Variants in CORO2B observed in about 807,000 individuals in gnomAD.
The protein encoded by CORO2B is coronin 2B.
Under a neutral mutation model 58.8 loss-of-function variants are expected in CORO2B, and 26 were observed. The ratio of observed to expected loss-of-function variants is 0.44; its 90% CI spans 0.32 to 0.61. The LOEUF (loss-of-function observed/expected upper bound fraction) is 0.61, where lower values mean the gene tolerates loss of function less well. Among genes scored for constraint, CORO2B ranks in the 20% least tolerant of loss-of-function variants. The pLI is 0.04. For missense variants in CORO2B, 460 were observed against 645.1 expected (o/e 0.71, Z 3.11); for synonymous variants, 242 against 253.8 (o/e 0.95, Z 0.44).
At chr15:68,711,802 C>G in intron 5 of CORO2B, 96 bp downstream of exon 5, 5 of 1,424,042 alleles carry the variant, frequency 3.5e-6, no homozygotes, top group Non-Finnish European at 4.9e-6. Context: ...TGCCAGCCCC[C>G]TTCTCCAGTG....
At chr15:68,642,596 A>G (rs917782583) in intron 1 of CORO2B, among the ~76,000 whole-genome samples, 2 of 152,146 alleles carry the variant, frequency 1.3e-5, no homozygotes, top group African/African-American at 4.8e-5. Context: ...CATGGCCTCC[A>G]CGACTCACCT....
chr15:68,630,611 T>C (rs1410230778), intron 1 of CORO2B, among the ~76,000 whole-genome samples: 1 of 152,070 alleles, frequency 6.6e-6, no homozygotes, highest in East Asian at 1.9e-4. Context: ...TTTCCATCAG[T>C]TGGAATGCTT....
chr15:68,585,063 G>C (rs1483362347), intron 1 of CORO2B, among the ~76,000 whole-genome samples: 2 of 152,222 alleles, frequency 1.3e-5, no homozygotes, highest in African/African-American at 2.4e-5. Context: ...TTGGTTTCTG[G>C]CTGGCAACCT....
upstream of CORO2B, among the ~76,000 whole-genome samples, chr15:68,578,521 G>A (rs1899330927): frequency 6.6e-6 from 1 of 151,980 alleles, no homozygotes; most frequent in Non-Finnish European, 1.5e-5. The surrounding 1 kb of genome is among the most constrained non-coding windows in gnomAD (Gnocchi z 4.2). Context: ...GTGGGGGTGC[G>A]GGCAGGGCTC....
intron 1 of CORO2B, among the ~76,000 whole-genome samples, chr15:68,611,922 C>T (rs1369048140): frequency 6.6e-6 from 1 of 152,104 alleles, no homozygotes; most frequent in Non-Finnish European, 1.5e-5. Context: ...GAGGTGTGCA[C>T]CACCATGCTG....
chr15:68,674,240 C>G (rs543022168), intron 2 of CORO2B, among the ~76,000 whole-genome samples: 1 of 152,312 alleles, frequency 6.6e-6, no homozygotes. Flanking sequence ...TGCCCTCTGG[C>G]TAGGCGAGGC....
At chr15:68,590,801 G>A (rs896199292) in intron 1 of CORO2B, among the ~76,000 whole-genome samples, 3 of 152,160 alleles carry the variant, frequency 2.0e-5, no homozygotes, top group Non-Finnish European at 4.4e-5. Context: ...AGGAGGGAGA[G>A]CTGGTTACTG....
At chr15:68,647,372 A>T (rs72748520) in intron 2 of CORO2B, among the ~76,000 whole-genome samples, 9 of 152,208 alleles carry the variant, frequency 5.9e-5, no homozygotes, top group African/African-American at 1.4e-4. Flanking sequence ...AAGAATATAT[A>T]AAGAGTTCCA....
At chr15:68,596,261 C>T (rs902107722) in intron 1 of CORO2B, among the ~76,000 whole-genome samples, 1 of 151,872 alleles carries the variant, frequency 6.6e-6, no homozygotes, top group African/African-American at 2.4e-5. Flanking sequence ...ACAGTCCCTG[C>T]CCTCAGGGAC....
chr15:68,631,850 C>A, intron 1 of CORO2B: 1 of 665,360 alleles, frequency 1.5e-6, no homozygotes, highest in Non-Finnish European at 1.9e-6. Flanking sequence ...CAAAGACAGC[C>A]CCTCCTGAGC....
At chr15:68,639,297 G>A (rs1463057521) in intron 1 of CORO2B, among the ~76,000 whole-genome samples, 3 of 152,238 alleles carry the variant, frequency 2.0e-5, no homozygotes, top group Admixed American at 6.5e-5. Context: ...GGGTGGGGCT[G>A]TGCAGGGGCC....
the CORO2B span, among the ~76,000 whole-genome samples, chr15:68,524,934 A>C: frequency 0.014 from 2,161 of 152,360 alleles, 60 homozygotes; most frequent in African/African-American, 0.049. Context: ...GATTTTATTT[A>C]AAAAGGAACA....
chr15:68,688,385 A>G (rs1011962060), intron 2 of CORO2B, among the ~76,000 whole-genome samples: 2 of 152,294 alleles, frequency 1.3e-5, no homozygotes, highest in South Asian at 4.2e-4. Context: ...AAAATCCAAA[A>G]TGCTCCAAAA....
chr15:68,566,255 CCT>C, the CORO2B span, among the ~76,000 whole-genome samples: 1 of 152,096 alleles, frequency 6.6e-6, no homozygotes, highest in African/African-American at 2.4e-5. Flanking sequence ...TGCCAGTTCC[CCT>C]GTGAGGTGGC....
At chr15:68,614,559 G>A (rs1465292789) in intron 1 of CORO2B, among the ~76,000 whole-genome samples, 1 of 152,184 alleles carries the variant, frequency 6.6e-6, no homozygotes, top group Non-Finnish European at 1.5e-5. Context: ...AAAAGACATG[G>A]GGACTAAGAC....
chr15:68,622,740 C>T (rs1422661780), intron 1 of CORO2B, among the ~76,000 whole-genome samples: 3 of 152,082 alleles, frequency 2.0e-5, no homozygotes, highest in African/African-American at 7.3e-5. Context: ...CCTGGGGATG[C>T]AGCAGAGGAC....
the CORO2B span, among the ~76,000 whole-genome samples, chr15:68,522,348 TC>T: frequency 3.9e-4 from 59 of 152,338 alleles, no homozygotes; most frequent in East Asian, 0.011. Context: ...ATTCAAACTC[TC>T]CACCATGTCT....
chr15:68,658,202 C>T (rs1317622772), intron 2 of CORO2B, among the ~76,000 whole-genome samples: 1 of 152,242 alleles, frequency 6.6e-6, no homozygotes, highest in Non-Finnish European at 1.5e-5. Flanking sequence ...GCTTCTCCTC[C>T]CCTGGAGACA....
chr15:68,609,057 C>T (rs1900188135), intron 1 of CORO2B, among the ~76,000 whole-genome samples: 1 of 152,174 alleles, frequency 6.6e-6, no homozygotes, highest in African/African-American at 2.4e-5. Context: ...AATGCTGAGG[C>T]CAGGGCCCCC....
Sources: allele counts gnomAD v4.1 joint callset (sites outside exome capture counted in the v4.1 genomes callset), GRCh38; gene constraint gnomAD v4.1.1; non-coding constraint Gnocchi (gnomAD v3.1); transcripts MANE v1.5; gene names NCBI Gene and HGNC (gene_info 2026-07-23, HGNC 2026-07-21).